Variants in BCAR3 observed in about 807,000 individuals in gnomAD.
The protein encoded by BCAR3 is breast cancer anti-estrogen resistance protein 3.
BCAR3 carries 37 observed loss-of-function variants against 80.1 expected under a neutral mutation model. The observed-to-expected ratio is 0.46, with a 90% CI of 0.36 to 0.61. The LOEUF (loss-of-function observed/expected upper bound fraction) is 0.61, where lower values mean the gene tolerates loss of function less well. Among genes scored for constraint, BCAR3 ranks in the 20% least tolerant of loss-of-function variants. The pLI is 0.00. For synonymous variants in BCAR3, 389 were observed against 418.9 expected (o/e 0.93, Z 0.87); for missense variants, 978 against 1,068.2 (o/e 0.92, Z 1.18).
At chr1:93,743,649 C>G (rs958422204) in intron 2 of BCAR3, among the ~76,000 whole-genome samples, 6 of 152,172 alleles carry the variant, frequency 3.9e-5, no homozygotes, top group Admixed American at 3.9e-4. Context: ...CCCAGGTTAA[C>G]TCTGTTTGAA....
At chr1:93,611,327 G>A (rs1674940602) in intron 3 of BCAR3, among the ~76,000 whole-genome samples, 1 of 152,244 alleles carries the variant, frequency 6.6e-6, no homozygotes, top group South Asian at 2.1e-4. Context: ...GCTTATGCAT[G>A]GACTTTACAT....
intron 3 of BCAR3, among the ~76,000 whole-genome samples, chr1:93,612,967 G>A (rs74229007): frequency 8.5e-5 from 13 of 152,184 alleles, no homozygotes; most frequent in East Asian, 7.7e-4. Context: ...TTTTAAAAGC[G>A]TATTGAGAAG....
chr1:93,801,367 A>C (rs1321629738), intron 2 of BCAR3, among the ~76,000 whole-genome samples: 2 of 152,202 alleles, frequency 1.3e-5, no homozygotes, highest in Non-Finnish European at 2.9e-5. Context: ...CAGAATCCCA[A>C]TTTATTTGGT....
chr1:93,704,775 A>G (rs1649776673), intron 3 of BCAR3, among the ~76,000 whole-genome samples: 1 of 152,216 alleles, frequency 6.6e-6, no homozygotes, highest in Non-Finnish European at 1.5e-5. Context: ...TCGAGGTAAT[A>G]ACATTACTGT....
chr1:93,680,698 T>C (rs78799096), intron 1 of BCAR3, among the ~76,000 whole-genome samples: 2,177 of 152,262 alleles, frequency 0.014, 52 homozygotes, highest in African/African-American at 0.051. Context: ...CGAAAACAGA[T>C]ATGAGGTTAG....
chr1:93,756,023 C>T (rs1204588907), intron 2 of BCAR3, among the ~76,000 whole-genome samples: 2 of 152,084 alleles, frequency 1.3e-5, no homozygotes, highest in Middle Eastern at 3.2e-3. Context: ...AGAATACGTC[C>T]CCAGTTTCAT....
At chr1:93,737,592 C>G (rs1329582094) in intron 2 of BCAR3, among the ~76,000 whole-genome samples, 2 of 152,178 alleles carry the variant, frequency 1.3e-5, no homozygotes, top group Admixed American at 1.3e-4. Flanking sequence ...CATCTTGATT[C>G]TGGACTTTTG....
At chr1:93,661,851 C>G (rs1302714785) in intron 2 of BCAR3, among the ~76,000 whole-genome samples, 1 of 152,212 alleles carries the variant, frequency 6.6e-6, no homozygotes. Context: ...ATTTTTGTTT[C>G]ATCCCCTTGC....
intron 2 of BCAR3, among the ~76,000 whole-genome samples, chr1:93,784,027 A>G (rs964107306): frequency 2.0e-5 from 3 of 152,194 alleles, no homozygotes; most frequent in Non-Finnish European, 4.4e-5. Flanking sequence ...GGAGAGGCCA[A>G]TGTGGAGACA....
intron 2 of BCAR3, among the ~76,000 whole-genome samples, chr1:93,746,033 G>A (rs536973419): frequency 1.3e-5 from 2 of 152,328 alleles, no homozygotes; most frequent in South Asian, 4.1e-4. Flanking sequence ...CAGAGGTCTT[G>A]GGATGATAGA....
intron 3 of BCAR3, among the ~76,000 whole-genome samples, chr1:93,604,623 C>T (rs1674721951): frequency 6.6e-6 from 1 of 152,192 alleles, no homozygotes; most frequent in Admixed American, 6.5e-5. Flanking sequence ...ACCCCTGTTA[C>T]CTTTGATCCA....
At chr1:93,574,361 C>T (rs1047876759) in intron 8 of BCAR3, among the ~76,000 whole-genome samples, 1 of 152,208 alleles carries the variant, frequency 6.6e-6, no homozygotes, top group African/African-American at 2.4e-5. Context: ...TCATGTGACA[C>T]ATCAGGACCT....
chr1:93,810,224 A>C (rs952109095), intron 2 of BCAR3, among the ~76,000 whole-genome samples: 4 of 151,426 alleles, frequency 2.6e-5, no homozygotes, highest in Non-Finnish European at 5.9e-5. Flanking sequence ...TGCTGTTAGA[A>C]GTTATCTCCA....
At chr1:93,778,391 G>A (rs1218440964) in intron 2 of BCAR3, among the ~76,000 whole-genome samples, 1 of 152,142 alleles carries the variant, frequency 6.6e-6, no homozygotes, top group Non-Finnish European at 1.5e-5. Flanking sequence ...CTCTTATGGT[G>A]AAGAATCTTG....
chr1:93,580,616 G>A (rs1315562865), intron 7 of BCAR3, among the ~76,000 whole-genome samples: 2 of 151,874 alleles, frequency 1.3e-5, no homozygotes, highest in East Asian at 1.9e-4. Context: ...AAGCATATAC[G>A]TTGTATTAGG....
intron 2 of BCAR3, among the ~76,000 whole-genome samples, chr1:93,659,140 G>T (rs1237693626): frequency 6.6e-6 from 1 of 152,186 alleles, no homozygotes; most frequent in Non-Finnish European, 1.5e-5. Context: ...CTTAGCTGGG[G>T]ATAAGAGGGA....
intron 2 of BCAR3, chr1:93,648,623 G>C (rs1676223056): frequency 6.6e-6 from 1 of 152,172 alleles, no homozygotes; most frequent in Middle Eastern, 3.2e-3. Flanking sequence ...GTCAGTGCTT[G>C]CTTATATTTC....
At chr1:93,841,976 C>T (rs776030992) in intron 2 of BCAR3, among the ~76,000 whole-genome samples, 30 of 152,176 alleles carry the variant, frequency 2.0e-4, no homozygotes, top group Non-Finnish European at 3.7e-4. Flanking sequence ...CCACAGCATT[C>T]CTTGTACGCA....
At chr1:93,829,660 G>C (rs1450920699) in intron 2 of BCAR3, among the ~76,000 whole-genome samples, 3 of 152,066 alleles carry the variant, frequency 2.0e-5, no homozygotes, top group Non-Finnish European at 4.4e-5. Context: ...CTAAAACTTT[G>C]ATTAAATAAA....
Sources: gnomAD v4.1 joint callset for allele counts (sites outside exome capture counted in the v4.1 genomes callset) on GRCh38, gnomAD v4.1.1 for gene constraint, MANE v1.5 for transcripts, NCBI Gene and HGNC (gene_info 2026-07-23, HGNC 2026-07-21) for gene names.